EIF4H: variants seen among roughly 807,000 people sequenced by gnomAD.
The protein encoded by EIF4H is eukaryotic translation initiation factor 4H.
A neutral mutation model predicts 30.6 loss-of-function variants in EIF4H; 8 were observed. The observed-to-expected ratio is 0.26, with a 90% CI of 0.15 to 0.47. The LOEUF (loss-of-function observed/expected upper bound fraction) is 0.47, where lower values mean the gene tolerates loss of function less well. Ranked by LOEUF, EIF4H falls within the 20% of genes least tolerant of loss-of-function variation. The pLI, the probability that EIF4H is intolerant of heterozygous loss-of-function variation, is 0.99. For synonymous variants in EIF4H, 106 were observed against 122.7 expected, an observed-to-expected ratio of 0.86 and a Z score of 0.90; for missense variants, 188 against 339.5, an observed-to-expected ratio of 0.55 and a Z score of 3.51.
At chr7:74,183,483 C>G (rs1285084975) in intron 1 of EIF4H, among the ~76,000 whole-genome samples, 1 of 152,172 alleles carries the variant, frequency 6.6e-6, no homozygotes. Context: ...TGAAATATAA[C>G]AGACAAGAAA....
intron 5 of EIF4H, 134 bp from the exon 6 acceptor site, chr7:74,194,607 T>C: frequency 7.8e-7 from 1 of 1,284,680 alleles, no homozygotes; most frequent in African/African-American, 1.5e-5. Flanking sequence ...ACACACTTTA[T>C]TTTGGAGAGA....
At chr7:74,190,416 C>T in intron 5 of EIF4H, 110 bp downstream of exon 5, 4 of 1,075,646 alleles carry the variant, frequency 3.7e-6, no homozygotes, top group Non-Finnish European at 5.6e-6. Context: ...GTTCCTTTAA[C>T]AAATACAACT....
chr7:74,179,012 C>T (rs1028135585), intron 1 of EIF4H, among the ~76,000 whole-genome samples: 9 of 152,184 alleles, frequency 5.9e-5, no homozygotes, highest in East Asian at 3.8e-4. Context: ...CATTCTTCTC[C>T]TGTCTTTCAT....
intron 2 of EIF4H, among the ~76,000 whole-genome samples, chr7:74,188,485 A>C (rs553434255): frequency 6.6e-6 from 1 of 152,272 alleles, no homozygotes; most frequent in African/African-American, 2.4e-5. Context: ...GTATGGGGTA[A>C]CTTGGGGCGG....
intron 5 of EIF4H, among the ~76,000 whole-genome samples, chr7:74,190,567 C>T (rs1223721432): frequency 6.6e-6 from 1 of 152,226 alleles, no homozygotes; most frequent in Non-Finnish European, 1.5e-5. Context: ...CTTGAGCTCG[C>T]TCAGCAGTCT....
intron 1 of EIF4H, among the ~76,000 whole-genome samples, chr7:74,179,128 A>G (rs1800902597): frequency 6.6e-6 from 1 of 151,954 alleles, no homozygotes; most frequent in African/African-American, 2.4e-5. Context: ...ATCTGTCTCC[A>G]CTCTTGGAAT....
At chr7:74,191,323 C>G (rs369943057) in intron 5 of EIF4H, 14 of 525,134 alleles carry the variant, frequency 2.7e-5, no homozygotes, top group African/African-American at 1.9e-4. Context: ...ACCAGCAGCT[C>G]AGGGAACGGC....
At position 74,196,547 on chromosome 7, in the gene EIF4H, G is replaced by A. The variant is rs1468450699; in HGVS notation, c.*1239G>A. 2 of 152,104 alleles carry A rather than the reference G, an allele frequency of 1.3e-5. No individual in the cohort carries two copies. The highest frequency in any genetic ancestry group is 2.4e-5 in the African/African-American group (1 of 41,416). 9.4% of individuals were successfully genotyped at this position (152,104 alleles called of 1,614,324 possible). A position where few individuals can be genotyped will look rare whatever the true frequency, so the allele number is the denominator to read the frequency against. Reference sequence around the variant, plus strand: ...TAGGCTTTTGAGCTTGAACGCCTGCGTGTGAACAGATGAAAAATCCTTCAG... The same window carrying A: ...TAGGCTTTTGAGCTTGAACGCCTGCATGTGAACAGATGAAAAATCCTTCAG... On this transcript the variant is annotated 3_prime_UTR_variant, in exon 7 of 7. Transcript: ENST00000265753.
At chr7:74,179,165 G>A (rs79131707) in intron 1 of EIF4H, among the ~76,000 whole-genome samples, 12 of 152,302 alleles carry the variant, frequency 7.9e-5, no homozygotes, top group Non-Finnish European at 1.5e-4. Context: ...CTTTTATGGA[G>A]CAGCTCAATC....
At chr7:74,184,136 C>T (rs1801029751) in intron 1 of EIF4H, among the ~76,000 whole-genome samples, 1 of 152,222 alleles carries the variant, frequency 6.6e-6, no homozygotes, top group South Asian at 2.1e-4. Context: ...TGGTAACGTG[C>T]CAACTTTTCA....
chr7:74,177,364 G>A (rs1004358181), intron 1 of EIF4H, among the ~76,000 whole-genome samples: 2 of 152,094 alleles, frequency 1.3e-5, no homozygotes. Context: ...CATAAAATGT[G>A]CCACTTTACC....
rs1268499263 is a variant in EIF4H at position 74,195,405 on chromosome 7, C to T, written c.*97C>T. The T allele has an allele frequency of 4.9e-5, 68 of 1,386,094 alleles. No individual in the cohort carries two copies. Among genetic ancestry groups the T allele is most frequent in the Middle Eastern group, 5.3e-4 (2 of 3,806 alleles). The allele number at this position is 1,386,094 out of a possible 1,614,324, so 85.9% of individuals were successfully genotyped here. ...CGTCCTGCAGCCGCCACTCCTGCGC[C>T]TGCCATTGGCCTCCTCACAGCGGAA... On this transcript the variant is annotated 3_prime_UTR_variant, in exon 7 of 7. Coordinates refer to ENST00000265753, the MANE Select transcript of EIF4H (RefSeq NM_022170.2).
In EIF4H at chr7:74,187,606, C is replaced by T. The variant is rs1801116122; in HGVS notation, c.60-5C>T. 6.3e-7 allele frequency: 1 copy of T among 1,584,508 alleles called. No homozygotes were observed. The highest frequency in any genetic ancestry group is 1.3e-5 in the African/African-American group (1 of 74,232). ...CACTTGAATCCTGTTTGTCTCCCCT[C>T]CTAGGTCCCGCGGCAGTGCTGGTGG... On this transcript the variant is annotated splice_region_variant and splice_polypyrimidine_tract_variant and intron_variant, in intron 1 of 6. Transcript: ENST00000265753.
intron 1 of EIF4H, among the ~76,000 whole-genome samples, chr7:74,184,940 C>G (rs1176000354): frequency 6.6e-6 from 1 of 152,058 alleles, no homozygotes; most frequent in Non-Finnish European, 1.5e-5. Context: ...CTTGACCTCC[C>G]GAAGTGCTGG....
At chr7:74,185,702 G>A (rs1290176456) in intron 1 of EIF4H, among the ~76,000 whole-genome samples, 1 of 152,082 alleles carries the variant, frequency 6.6e-6, no homozygotes, top group Non-Finnish European at 1.5e-5. Flanking sequence ...TTTCCATTGT[G>A]TTTCTGGCAG....
At chr7:74,187,448 CT>C (rs1238176057) in intron 1 of EIF4H, among the ~76,000 whole-genome samples, 162 bp from the exon 2 acceptor site, 4 of 151,276 alleles carry the variant, frequency 2.6e-5, no homozygotes, top group African/African-American at 7.3e-5. Flanking sequence ...TTTTCTTTTC[CT>C]TTTTTTTTGT....
intron 5 of EIF4H, 110 bp downstream of exon 5, chr7:74,190,416 C>A: frequency 1.9e-6 from 2 of 1,075,642 alleles, no homozygotes; most frequent in Non-Finnish European, 2.8e-6. Context: ...GTTCCTTTAA[C>A]AAATACAACT....
At chr7:74,180,743 C>T (rs1406141457) in intron 1 of EIF4H, among the ~76,000 whole-genome samples, 1 of 152,186 alleles carries the variant, frequency 6.6e-6, no homozygotes, top group Admixed American at 6.5e-5. Context: ...CAGTGAGGAC[C>T]TTCGAAAGAA....
chr7:74,178,880 G>A (rs536446747), intron 1 of EIF4H, among the ~76,000 whole-genome samples: 68 of 152,306 alleles, frequency 4.5e-4, no homozygotes, highest in African/African-American at 1.5e-3. Flanking sequence ...GTGATTTTCC[G>A]TCTTGATCAG....
Sources: gnomAD v4.1 joint callset for allele counts (sites outside exome capture counted in the v4.1 genomes callset) on GRCh38, gnomAD v4.1.1 for gene constraint, MANE v1.5 for transcripts, NCBI Gene and HGNC (gene_info 2026-07-23, HGNC 2026-07-21) for gene names.